Variants in SLIT1 observed in about 807,000 individuals in gnomAD.
The protein encoded by SLIT1 is slit guidance ligand 1.
Under a neutral mutation model 186.1 loss-of-function variants are expected in SLIT1, and 66 were observed. That is an observed-to-expected ratio of 0.35 (90% CI 0.29 to 0.44). The LOEUF (loss-of-function observed/expected upper bound fraction) is 0.44. Among genes scored for constraint, SLIT1 ranks in the 20% least tolerant of loss-of-function variants. SLIT1 has a pLI of 1.00. For missense variants in SLIT1, 1,638 were observed against 2,037.4 expected, an observed-to-expected ratio of 0.80 and a Z score of 3.77; for synonymous variants, 761 against 833.8, an observed-to-expected ratio of 0.91 and a Z score of 1.50.
intron 11 of SLIT1, chr10:97,058,020 T>G (rs975618835): frequency 3.8e-5 from 27 of 717,334 alleles, no homozygotes; most frequent in Non-Finnish European, 6.5e-5. Context: ...AGGTCATTCC[T>G]GGAGTGAGGC....
At chr10:97,116,813 A>G (rs148457474) in intron 4 of SLIT1, among the ~76,000 whole-genome samples, 128 of 152,252 alleles carry the variant, frequency 8.4e-4, no homozygotes, top group African/African-American at 2.9e-3. Flanking sequence ...CTGGCAGCCC[A>G]CATCCCCTCC....
At chr10:97,077,436 A>G (rs112658115) in intron 4 of SLIT1, among the ~76,000 whole-genome samples, 3,484 of 152,320 alleles carry the variant, frequency 0.023, 116 homozygotes, top group African/African-American at 0.072. Flanking sequence ...CAGCTGGAGC[A>G]GATGGCAGGG....
chr10:97,124,941 A>T lies in SLIT1; in HGVS notation c.413+32877T>A, dbSNP rs975152045. 1.5e-4 allele frequency among the ~76,000 whole-genome samples: 23 copies of T among 152,374 alleles called. 1 individual carries two copies. Among genetic ancestry groups the T allele is most frequent in the Admixed American group, 1.2e-3 (18 of 15,304 alleles). On this transcript the variant is annotated intron_variant, in intron 4 of 36. Transcript: ENST00000266058. ...AGGATTCAAACAGGTAGTTTAACAG[A>T]AAAGGAACACAAATGGCCTTAAAAG...
chr10:97,037,033 C>A (rs1848645074), intron 22 of SLIT1, among the ~76,000 whole-genome samples: 1 of 148,650 alleles, frequency 6.7e-6, no homozygotes, highest in Non-Finnish European at 1.5e-5. Context: ...CCTAACCTTG[C>A]AAGAATAACC....
chr10:97,140,366 G>A (rs934124506), intron 4 of SLIT1, among the ~76,000 whole-genome samples: 2 of 152,038 alleles, frequency 1.3e-5, no homozygotes, highest in African/African-American at 2.4e-5. Context: ...CTTCAACTTC[G>A]AATTGTGAAA....
chr10:97,107,184 G>A lies in SLIT1; in HGVS notation c.414-41098C>T, dbSNP rs569320750. Among the ~76,000 whole-genome samples, 4 of 152,360 alleles carry A rather than the reference G, an allele frequency of 2.6e-5. No homozygotes were observed. In the East Asian group the frequency reaches 7.7e-4, roughly 29 times the overall value. The stretch of plus-strand genomic sequence containing the variant: ...ACAAAAGATAAAGCACTCTACCTGA[G>A]GGAAGTACCCCAGCTGCAGGGGCCT... On this transcript the variant is annotated intron_variant, in intron 4 of 36. Coordinates refer to ENST00000266058, the MANE Select transcript of SLIT1 (RefSeq NM_003061.3).
At chr10:97,150,369 C>G (rs1006295896) in intron 4 of SLIT1, among the ~76,000 whole-genome samples, 1 of 152,068 alleles carries the variant, frequency 6.6e-6, no homozygotes, top group African/African-American at 2.4e-5. Flanking sequence ...GGGACCAAGA[C>G]GGGAAGGGAA....
At chr10:97,166,526 AG>A (rs1850109973) in intron 1 of SLIT1, among the ~76,000 whole-genome samples, 2 of 40,098 alleles carry the variant, frequency 5.0e-5, no homozygotes, top group African/African-American at 7.0e-5. Context: ...CCAAAAAAAA[AG>A]AAAGAAGGAA....
intron 13 of SLIT1, among the ~76,000 whole-genome samples, chr10:97,054,078 G>A (rs559910226): frequency 1.3e-5 from 2 of 152,060 alleles, no homozygotes; most frequent in Admixed American, 6.5e-5. Context: ...GACGAGTATG[G>A]CACCAACAAC....
At position 97,021,532 on chromosome 10, in the gene SLIT1, G is replaced by T. The variant is rs1214171416; in HGVS notation, c.2583-119C>A. On this transcript the variant is annotated intron_variant, in intron 25 of 36. Transcript: ENST00000266058. The surrounding 1 kb of genome is among the most constrained non-coding windows in gnomAD (Gnocchi z 4.5). ...GCAAAAATCTTAGCCTCCATTTCAT[G>T]AGCATTTACTGTATAGTCAGTGCTG... 3 of 828,476 alleles carry T rather than the reference G, an allele frequency of 3.6e-6. No homozygotes were observed. The highest frequency in any genetic ancestry group is 3.5e-5 in the African/African-American group (2 of 56,852). 51.3% of individuals were successfully genotyped at this position (828,476 alleles called of 1,614,324 possible).
At position 97,060,759 on chromosome 10, in the gene SLIT1, G is replaced by T. The variant is rs746639685; in HGVS notation, c.822C>A (p.Thr274=). 2 of 1,611,778 alleles carry T rather than the reference G, an allele frequency of 1.2e-6. No homozygotes were observed. Among genetic ancestry groups the T allele is most frequent in the East Asian group, 4.5e-5 (2 of 44,868 alleles). The change falls in exon 9 of 37, where the codon ACC becomes ACA. Residue 274 remains threonine (T), a synonymous_variant. Coordinates refer to ENST00000266058, the MANE Select transcript of SLIT1 (RefSeq NM_003061.3). The part of the protein sequence containing the change: ...SGQGEAGRVP[T]CTLSSGSCPA... ...GGCAGGAGCCGGAGGACAGGGTGCAGGTGGGCACGCGCCCCGCTTCTCCCT... is the reference window on the plus strand; with the variant it reads ...GGCAGGAGCCGGAGGACAGGGTGCATGTGGGCACGCGCCCCGCTTCTCCCT...
intron 4 of SLIT1, among the ~76,000 whole-genome samples, chr10:97,106,387 A>T (rs377315497): frequency 6.9e-6 from 1 of 144,916 alleles, no homozygotes; most frequent in African/African-American, 2.7e-5. Context: ...AGAGACAGAG[A>T]GAATGAATGA....
At chr10:97,130,529 C>A (rs568560132) in intron 4 of SLIT1, among the ~76,000 whole-genome samples, 1 of 152,204 alleles carries the variant, frequency 6.6e-6, no homozygotes, top group East Asian at 1.9e-4. Context: ...TGTATGATCT[C>A]ACTTATCCAA....
intron 1 of SLIT1, among the ~76,000 whole-genome samples, chr10:97,166,573 A>AGAGAGAGAGAGAG (rs1564692765): frequency 4.4e-5 from 2 of 45,022 alleles, no homozygotes; most frequent in Admixed American, 2.9e-4. Flanking sequence ...GAGAGAGAGA[A>AGAGAGAGAGAGAG]AGAAAGAAAG....
At chr10:97,020,138 T>G (rs1210327188) in intron 26 of SLIT1, among the ~76,000 whole-genome samples, 1 of 151,882 alleles carries the variant, frequency 6.6e-6, no homozygotes, top group Non-Finnish European at 1.5e-5. Flanking sequence ...GCCCAGCTAA[T>G]TTTTAAAATT....
Position 97,043,334 on chromosome 10 carries a change from G to A in SLIT1, c.1997+36C>T. On this transcript the variant is annotated intron_variant, in intron 19 of 36. Transcript: ENST00000266058. This position sits in a 1 kb window ranked among gnomAD's most constrained non-coding sequence, Gnocchi z 7.0. ...CGAGACGGTTGGGACGGTTGCTCCA[G>A]AGCCCCCGCCCGCCTGTCCTGGAGG... 4.3e-6 allele frequency: 7 copies of A among 1,611,962 alleles called. No individual in the cohort carries two copies. Among genetic ancestry groups the A allele is most frequent in the Non-Finnish European group, 5.9e-6 (7 of 1,179,550 alleles).
Position 97,031,467 on chromosome 10 carries a change from G to A in SLIT1, c.2510+139C>T, listed in dbSNP as rs1848589900. 8 of 618,588 alleles carry A rather than the reference G, an allele frequency of 1.3e-5. No homozygotes were observed. The South Asian group carries it at 1.7e-4, about 13-fold the overall frequency. 38.3% of individuals were successfully genotyped at this position (618,588 alleles called of 1,614,324 possible). ...TTCTTGGGAATGAGAGTATCCACAG[G>A]GGCTTAAGTGACAGCACTCTGGACT... On this transcript the variant is annotated intron_variant, in intron 24 of 36. Transcript: ENST00000266058.
chr10:97,088,468 G>A (rs1267929492), intron 4 of SLIT1, among the ~76,000 whole-genome samples: 1 of 152,168 alleles, frequency 6.6e-6, no homozygotes, highest in Non-Finnish European at 1.5e-5. Context: ...TCTGGCTTAG[G>A]CTAGTCTATC....
chr10:97,072,103 C>T (rs1027150343), intron 4 of SLIT1, among the ~76,000 whole-genome samples: 1 of 152,066 alleles, frequency 6.6e-6, no homozygotes, highest in Non-Finnish European at 1.5e-5. Context: ...TCACACAGGC[C>T]GGGGAGAGTG....
Sources: allele counts gnomAD v4.1 joint callset (sites outside exome capture counted in the v4.1 genomes callset), GRCh38; gene constraint gnomAD v4.1.1; non-coding constraint Gnocchi (gnomAD v3.1); transcripts MANE v1.5; gene names NCBI Gene and HGNC (gene_info 2026-07-23, HGNC 2026-07-21).